AGBL1: variants seen among roughly 807,000 people sequenced by gnomAD.
The protein encoded by AGBL1 is AGBL carboxypeptidase 1.
In AGBL1, 130 loss-of-function variants were observed where a neutral mutation model predicts 118.9. That is an observed-to-expected ratio of 1.09 (90% CI 0.95 to 1.26). AGBL1 has a LOEUF of 1.26. Among genes scored for constraint, AGBL1 ranks in the 50% most tolerant of loss-of-function variants. The pLI is 0.00. For synonymous variants in AGBL1, 555 were observed against 478.9 expected, an observed-to-expected ratio of 1.16 and a Z score of -2.08; for missense variants, 1,584 against 1,298.1, an observed-to-expected ratio of 1.22 and a Z score of -3.38.
At chr15:86,517,261 C>T (rs1288861919) in intron 18 of AGBL1, among the ~76,000 whole-genome samples, 1 of 152,130 alleles carries the variant, frequency 6.6e-6, no homozygotes, top group African/African-American at 2.4e-5. Flanking sequence ...TTCTTCTTAC[C>T]TTAAATTCTA....
At chr15:86,644,358 C>A (rs1156661138) in intron 21 of AGBL1, among the ~76,000 whole-genome samples, 1 of 151,924 alleles carries the variant, frequency 6.6e-6, no homozygotes, top group Non-Finnish European at 1.5e-5. Context: ...ATGGCAAGAG[C>A]CCGTCTCTAC....
intron 22 of AGBL1, among the ~76,000 whole-genome samples, chr15:86,855,324 T>C (rs764641014): frequency 5.9e-5 from 9 of 152,216 alleles, no homozygotes; most frequent in Non-Finnish European, 1.0e-4. Context: ...AGTAGCTTAG[T>C]ATAAAGCCAA....
chr15:86,864,315 A>C (rs148682326), intron 22 of AGBL1, among the ~76,000 whole-genome samples: 2 of 152,216 alleles, frequency 1.3e-5, no homozygotes, highest in Non-Finnish European at 2.9e-5. Context: ...GCATTGACTC[A>C]TAGGAAAATA....
chr15:86,726,049 A>T (rs1275261004), intron 22 of AGBL1, among the ~76,000 whole-genome samples: 5 of 152,248 alleles, frequency 3.3e-5, no homozygotes, highest in African/African-American at 1.2e-4. Flanking sequence ...GATAAATGTG[A>T]GAAATCATCT....
chr15:86,264,915 A>G, intron 11 of AGBL1, 77 bp downstream of exon 11: 1 of 1,290,748 alleles, frequency 7.7e-7, no homozygotes, highest in Admixed American at 2.6e-5. Context: ...TTGTACAGAT[A>G]ATTCTACTAT....
At chr15:86,272,076 T>C (rs1262353901) in intron 15 of AGBL1, among the ~76,000 whole-genome samples, 1 of 152,228 alleles carries the variant, frequency 6.6e-6, no homozygotes, top group Non-Finnish European at 1.5e-5. Context: ...AGATGTTCTA[T>C]CCTGTTTCTA....
chr15:86,445,479 G>T (rs1292677040), intron 18 of AGBL1, among the ~76,000 whole-genome samples: 1 of 152,160 alleles, frequency 6.6e-6, no homozygotes, highest in African/African-American at 2.4e-5. Flanking sequence ...GACATAGTGG[G>T]GCATTCCCAT....
At chr15:86,141,033 T>G (rs2076955943) in intron 1 of AGBL1, among the ~76,000 whole-genome samples, 1 of 152,218 alleles carries the variant, frequency 6.6e-6, no homozygotes, top group Admixed American at 6.5e-5. Context: ...TTGCCTTAAA[T>G]AAAATACCCT....
At chr15:86,307,376 C>T (rs1427195348) in intron 17 of AGBL1, among the ~76,000 whole-genome samples, 2 of 152,160 alleles carry the variant, frequency 1.3e-5, no homozygotes, top group African/African-American at 4.8e-5. Context: ...GATTATTGAT[C>T]ATTTTACTAA....
intron 21 of AGBL1, among the ~76,000 whole-genome samples, chr15:86,673,791 T>G (rs992017350): frequency 6.6e-6 from 1 of 152,198 alleles, no homozygotes; most frequent in African/African-American, 2.4e-5. Context: ...ATACTGGTTT[T>G]TTAAAGTTTC....
At chr15:86,126,951 G>A (rs2076755495) in intron 1 of AGBL1, among the ~76,000 whole-genome samples, 2 of 152,182 alleles carry the variant, frequency 1.3e-5, no homozygotes, top group African/African-American at 2.4e-5. Flanking sequence ...CTTTAGAGGT[G>A]CTTGTGTGGA....
intron 22 of AGBL1, among the ~76,000 whole-genome samples, chr15:86,723,095 G>A (rs1375163168): frequency 1.3e-5 from 2 of 152,188 alleles, no homozygotes; most frequent in Non-Finnish European, 2.9e-5. Flanking sequence ...AGTCAGTGTG[G>A]CAATTCCTCA....
chr15:86,108,364 GATAA>G (rs559267170), intron 1 of AGBL1, among the ~76,000 whole-genome samples: 96 of 152,280 alleles, frequency 6.3e-4, no homozygotes, highest in African/African-American at 2.3e-3. Flanking sequence ...TATATAAATA[GATAA>G]ATAGATAGAT....
intron 22 of AGBL1, among the ~76,000 whole-genome samples, chr15:86,757,722 A>G (rs767172800): frequency 1.4e-4 from 21 of 151,910 alleles, no homozygotes; most frequent in Non-Finnish European, 2.6e-4. Flanking sequence ...GTTCCTAGGA[A>G]TTTCCTTTCT....
chr15:86,296,874 A>G (rs529657086), intron 17 of AGBL1: 1 of 152,282 alleles, frequency 6.6e-6, no homozygotes, highest in East Asian at 1.9e-4. Flanking sequence ...GGATGTGTGT[A>G]AGTCTGAGCT....
intron 23 of AGBL1, among the ~76,000 whole-genome samples, chr15:86,954,899 T>TAGTC (rs1310671035): frequency 6.6e-6 from 1 of 152,232 alleles, no homozygotes; most frequent in Non-Finnish European, 1.5e-5. Flanking sequence ...TTTGACTTAT[T>TAGTC]AGTCATGATA....
chr15:86,462,487 C>T (rs1348356894), intron 18 of AGBL1, among the ~76,000 whole-genome samples: 1 of 151,876 alleles, frequency 6.6e-6, no homozygotes, highest in Non-Finnish European at 1.5e-5. Context: ...GCAGAATGTG[C>T]AGGTTTGTTA....
At chr15:86,118,050 T>C (rs1189890910) in intron 1 of AGBL1, among the ~76,000 whole-genome samples, 1 of 152,226 alleles carries the variant, frequency 6.6e-6, no homozygotes, top group African/African-American at 2.4e-5. Flanking sequence ...TATCTCTGAA[T>C]TTCTTGTTAC....
intron 22 of AGBL1, among the ~76,000 whole-genome samples, chr15:86,889,443 C>G (rs1300022975): frequency 1.3e-5 from 2 of 152,092 alleles, no homozygotes; most frequent in East Asian, 1.9e-4. Context: ...GTTTCTTACA[C>G]AGGTGAACAT....
Sources: allele counts gnomAD v4.1 joint callset (sites outside exome capture counted in the v4.1 genomes callset), GRCh38; gene constraint gnomAD v4.1.1; transcripts MANE v1.5; gene names NCBI Gene and HGNC (gene_info 2026-07-23, HGNC 2026-07-21).